CEP295: variants seen among roughly 807,000 people sequenced by gnomAD.
CEP295 encodes centrosomal protein 295, also known as centrosomal protein of 295 kDa.
CEP295 carries 190 observed loss-of-function variants against 291.6 expected under a neutral mutation model. The observed-to-expected ratio is 0.65, with a 90% CI of 0.58 to 0.73. CEP295 has a LOEUF of 0.73. CEP295 is among the 30% of genes least tolerant of loss of function. The pLI, the probability that CEP295 is intolerant of heterozygous loss-of-function variation, is 0.00. For synonymous variants in CEP295, 993 were observed against 1,038.8 expected (o/e 0.96, Z 0.85); for missense variants, 2,863 against 2,949.4 (o/e 0.97, Z 0.68).
chr11:93,690,474 G>A (rs928090123), intron 10 of CEP295, among the ~76,000 whole-genome samples: 1 of 151,674 alleles, frequency 6.6e-6, no homozygotes, highest in Non-Finnish European at 1.5e-5. Context: ...CAGGAGAATG[G>A]CGTGAACCTG....
In CEP295 at chr11:93,698,543, G is replaced by A. The variant is rs1200796672; in HGVS notation, c.3631G>A (p.Val1211Met). 1.3e-6 allele frequency: 2 copies of A among 1,551,958 alleles called. No individual in the cohort carries two copies. The highest frequency in any genetic ancestry group is 1.2e-5 in the South Asian group (1 of 84,068). The stretch of plus-strand genomic sequence containing the variant: ...TGGCACCTCCTCATCCCTTTCCCAG[G>A]TGGATGAATCTGAGAGATTCCAGGA... The part of the protein sequence containing the change: ...QTGTSSSLSQ[V>M]DESERFQECI... Residue 1211 changes from valine to methionine, a missense_variant, in exon 15 of 30, where the codon GTG becomes ATG. Transcript: ENST00000325212.
At chr11:93,662,764 T>C (rs751516510) in intron 1 of CEP295, among the ~76,000 whole-genome samples, 9 of 152,192 alleles carry the variant, frequency 5.9e-5, no homozygotes, top group Admixed American at 4.6e-4. Flanking sequence ...AAAAGTATGA[T>C]GAAAAGCATA....
At chr11:93,722,179 T>G in intron 20 of CEP295, 129 bp downstream of exon 20, 2 of 651,488 alleles carry the variant, frequency 3.1e-6, no homozygotes, top group Non-Finnish European at 5.3e-6. Flanking sequence ...ATCTCACAAG[T>G]AAAGTATGGC....
intron 9 of CEP295, among the ~76,000 whole-genome samples, chr11:93,685,487 T>C (rs1951185589): frequency 2.0e-5 from 3 of 152,210 alleles, no homozygotes; most frequent in Non-Finnish European, 2.9e-5. Flanking sequence ...ATGTCTCCTA[T>C]GCCTACATTG....
intron 14 of CEP295, 64 bp downstream of exon 14, chr11:93,696,481 C>G (rs1379127945): frequency 8.6e-7 from 1 of 1,166,362 alleles, no homozygotes; most frequent in Admixed American, 2.3e-5. Flanking sequence ...TTTATTGTTT[C>G]ATTTATATGA....
At chr11:93,721,504 A>C (rs1405153927) in intron 19 of CEP295, 92 bp downstream of exon 19, 1 of 867,196 alleles carries the variant, frequency 1.2e-6, no homozygotes, top group East Asian at 2.4e-5. Flanking sequence ...TTATAACATT[A>C]AAGTCAGTGC....
At chr11:93,706,640 T>C in intron 17 of CEP295, 105 bp from the exon 18 acceptor site, 1 of 917,476 alleles carries the variant, frequency 1.1e-6, no homozygotes, top group South Asian at 2.1e-5. Context: ...CTATATACAG[T>C]AAGTCTTTAA....
rs368743936 is a variant in CEP295 at position 93,669,606 on chromosome 11, A to G, written c.435-71A>G. On this transcript the variant is annotated intron_variant, in intron 4 of 29. Coordinates refer to ENST00000325212, the MANE Select transcript of CEP295 (RefSeq NM_033395.2). The stretch of plus-strand genomic sequence containing the variant: ...AGGATTTCTTGAGCCTATGACTTAC[A>G]TATTTTTAACCCTGTTGTACTATAA... 4.0e-6 allele frequency: 4 copies of G among 992,028 alleles called. No individual in the cohort carries two copies. In the South Asian group the frequency reaches 4.3e-5, roughly 11 times the overall value. The allele number at this position is 992,028 out of a possible 1,614,324, so 61.5% of individuals were successfully genotyped here.
chr11:93,665,577 G>A (rs961160476), intron 1 of CEP295, among the ~76,000 whole-genome samples: 6 of 152,076 alleles, frequency 3.9e-5, no homozygotes, highest in African/African-American at 7.2e-5. Context: ...GTGTGATGGC[G>A]CATGCCTGTA....
At chr11:93,662,170 C>A (rs956265276) in intron 1 of CEP295, among the ~76,000 whole-genome samples, 5 of 152,224 alleles carry the variant, frequency 3.3e-5, no homozygotes, top group African/African-American at 1.2e-4. Flanking sequence ...ATGCAAAGAG[C>A]ACGCTCTCTT....
rs773208721 is a variant in CEP295 at position 93,721,969 on chromosome 11, T to C, written c.5866T>C (p.Tyr1956His). The C allele has an allele frequency of 6.2e-7, 1 of 1,605,450 alleles. No homozygotes were observed. The highest frequency in any genetic ancestry group is 1.7e-5 in the Admixed American group (1 of 58,850). Residue 1956 changes from tyrosine to histidine, a missense_variant, in exon 20 of 30, where the codon TAT becomes CAT. Physicochemically the swap from Tyr to His is moderately conservative, Grantham distance 83 (BLOSUM62 2). This residue lies in a region of CEP295 where 2,295 missense variants were observed against 2,335.7 expected (regional missense o/e 0.98). Coordinates refer to ENST00000325212, the MANE Select transcript of CEP295 (RefSeq NM_033395.2). ...TAATTTCTAGGCTAAAACACTGTCTTATGAACCATTATCTTCAGCAACTGT... is the reference window on the plus strand; with the variant it reads ...TAATTTCTAGGCTAAAACACTGTCTCATGAACCATTATCTTCAGCAACTGT... ...KPDDKAKTLS[Y>H]EPLSSATVST...
chr11:93,710,943 A>G (rs1952852969), intron 18 of CEP295, among the ~76,000 whole-genome samples: 2 of 152,100 alleles, frequency 1.3e-5, no homozygotes, highest in South Asian at 4.1e-4. Flanking sequence ...TTTCTGCAGT[A>G]TCTGTTGTAA....
chr11:93,727,305 G>A lies in CEP295; in HGVS notation c.6829G>A (p.Glu2277Lys). 2 of 1,551,620 alleles carry A rather than the reference G, an allele frequency of 1.3e-6. No homozygotes were observed. Among genetic ancestry groups the A allele is most frequent in the Non-Finnish European group, 1.7e-6 (2 of 1,146,932 alleles). Reference protein sequence around the residue: ...STKHQLESRKESMGFEELSKR... With the variant: ...STKHQLESRKKSMGFEELSKR... The stretch of plus-strand genomic sequence containing the variant: ...AAAACACCAACTAGAAAGCAGAAAG[G>A]AAAGTATGGGCTTTGAAGAACTATC... The change falls in exon 24 of 30, where the codon GAA (glutamate) becomes AAA (lysine). Residue 2277 changes from glutamate (E) to lysine (K), a missense_variant. By Grantham distance (56) the Glu-to-Lys change is moderately conservative. Transcript: ENST00000325212.
At chr11:93,664,436 A>G in intron 1 of CEP295, among the ~76,000 whole-genome samples, 1 of 152,256 alleles carries the variant, frequency 6.6e-6, no homozygotes, top group Non-Finnish European at 1.5e-5. Flanking sequence ...TATAGCATGA[A>G]AAATATAATC....
chr11:93,700,121 A>T lies in CEP295; in HGVS notation c.5209A>T (p.Thr1737Ser). 6.4e-7 allele frequency: 1 copy of T among 1,551,598 alleles called. No homozygotes were observed. Among genetic ancestry groups the T allele is most frequent in the Non-Finnish European group, 8.7e-7 (1 of 1,146,864 alleles). Residue 1737 changes from threonine to serine, a missense_variant, in exon 15 of 30, where the codon ACA becomes TCA. Physicochemically the swap from Thr to Ser is moderately conservative, Grantham distance 58 (BLOSUM62 1). Around this residue, in one of 3 missense-constraint regions of CEP295, gnomAD observed 2,295 missense variants for 2,335.7 expected, o/e 0.98. Coordinates refer to ENST00000325212, the MANE Select transcript of CEP295 (RefSeq NM_033395.2). ...GGAAAAATTGCTTGTACAGAGACAA[A>T]CAGCATTGCAGCAGCAGATACAGAA... ...AQEKLLVQRQ[T>S]ALQQQIQKHE...
intron 17 of CEP295, among the ~76,000 whole-genome samples, chr11:93,703,280 G>C (rs1021732349): frequency 1.3e-5 from 2 of 151,332 alleles, no homozygotes; most frequent in African/African-American, 4.9e-5. Context: ...TTTTCAGAGT[G>C]CTAAATGTTT....
At position 93,697,402 on chromosome 11, in the gene CEP295, T is replaced by C. The variant is rs1230695044; in HGVS notation, c.2490T>C (p.His830=). The change falls in exon 15 of 30, where the codon CAT becomes CAC. Residue 830 remains histidine (H), a synonymous_variant. Transcript: ENST00000325212. Reference sequence around the variant, plus strand: ...GCCATTCTATAATCAGCCAAATGCATGATAGGCCTTTGCTGCCGTCAGAGA... The same window carrying C: ...GCCATTCTATAATCAGCCAAATGCACGATAGGCCTTTGCTGCCGTCAGAGA... ...STSHSIISQM[H]DRPLLPSENI... The C allele has an allele frequency of 1.3e-6, 2 of 1,552,056 alleles. No individual in the cohort carries two copies. Among genetic ancestry groups the C allele is most frequent in the Admixed American group, 2.0e-5 (1 of 50,978 alleles).
chr11:93,702,816 GCCA>G lies in CEP295; in HGVS notation c.5496_5498del (p.Pro1833del). ...AAGATCTGGGGAGAAGATCCTCAAA[GCCA>G]CCTGTAGCAAAAGTCAAATGTGGTT... On this transcript the variant is annotated inframe_deletion, in exon 17 of 30. Transcript: ENST00000325212. The G allele has an allele frequency of 6.4e-7, 1 of 1,551,896 alleles. No individual in the cohort carries two copies. The highest frequency in any genetic ancestry group is 8.7e-7 in the Non-Finnish European group (1 of 1,146,980).
At chr11:93,704,730 C>T (rs1484964268) in intron 17 of CEP295, among the ~76,000 whole-genome samples, 1 of 152,096 alleles carries the variant, frequency 6.6e-6, no homozygotes, top group African/African-American at 2.4e-5. Flanking sequence ...ATAGCCTTTA[C>T]CATACTTCTT....
Sources: allele counts gnomAD v4.1 joint callset (sites outside exome capture counted in the v4.1 genomes callset), GRCh38; gene constraint gnomAD v4.1.1; regional missense constraint gnomAD v4.1.1; transcripts MANE v1.5; gene names NCBI Gene and HGNC (gene_info 2026-07-23, HGNC 2026-07-21).